ZRANB3: variants seen among roughly 807,000 people sequenced by gnomAD.
ZRANB3 encodes DNA annealing helicase and endonuclease ZRANB3.
A neutral mutation model predicts 133.8 loss-of-function variants in ZRANB3; 125 were observed. That is an observed-to-expected ratio of 0.93 (90% CI 0.81 to 1.08). The LOEUF is 1.08. Among genes scored for constraint, ZRANB3 ranks in the 50% least tolerant of loss-of-function variants. The pLI, the probability that ZRANB3 is intolerant of heterozygous loss-of-function variation, is 0.00. For missense variants in ZRANB3, 1,229 were observed against 1,275.5 expected (o/e 0.96, Z 0.56); for synonymous variants, 387 against 432.7 (o/e 0.89, Z 1.31).
chr2:135,491,541 T>C (rs1165031275), intron 2 of ZRANB3, among the ~76,000 whole-genome samples: 1 of 151,676 alleles, frequency 6.6e-6, no homozygotes, highest in East Asian at 1.9e-4. Context: ...TGAGATATAG[T>C]CTCACTCTGT....
intron 19 of ZRANB3, among the ~76,000 whole-genome samples, chr2:135,203,612 CAAAAAAA>C (rs1051712787): frequency 3.2e-5 from 2 of 62,056 alleles, no homozygotes; most frequent in East Asian, 4.4e-4. Flanking sequence ...GACTCGGTCT[CAAAAAAA>C]AAAAAAAAAA....
chr2:135,274,400 G>A (rs545414140), intron 9 of ZRANB3, among the ~76,000 whole-genome samples: 1 of 152,292 alleles, frequency 6.6e-6, no homozygotes, highest in African/African-American at 2.4e-5. Flanking sequence ...TAGTATGACT[G>A]CAGTTGGGTA....
At chr2:135,328,557 T>C (rs1018590141) in intron 6 of ZRANB3, among the ~76,000 whole-genome samples, 4 of 148,906 alleles carry the variant, frequency 2.7e-5, no homozygotes, top group African/African-American at 9.9e-5. Context: ...GCATGACTTA[T>C]AATCCTTAGA....
chr2:135,453,462 T>C (rs1690363554), intron 2 of ZRANB3, among the ~76,000 whole-genome samples: 1 of 152,242 alleles, frequency 6.6e-6, no homozygotes, highest in South Asian at 2.1e-4. Flanking sequence ...CAAACTTTTA[T>C]GCTCTGTTTC....
At chr2:135,321,220 G>C (rs1347500658) in intron 6 of ZRANB3, among the ~76,000 whole-genome samples, 1 of 152,156 alleles carries the variant, frequency 6.6e-6, no homozygotes, top group Non-Finnish European at 1.5e-5. Context: ...TTCCAAAGTG[G>C]TTGAACATTT....
At chr2:135,382,634 C>T (rs951357677) in intron 3 of ZRANB3, among the ~76,000 whole-genome samples, 6 of 152,082 alleles carry the variant, frequency 3.9e-5, no homozygotes, top group South Asian at 2.1e-4. Context: ...AGACTAACGG[C>T]GGATCTCTCG....
chr2:135,358,620 A>G (rs925963480), intron 3 of ZRANB3, among the ~76,000 whole-genome samples: 1 of 152,334 alleles, frequency 6.6e-6, no homozygotes, highest in Admixed American at 6.5e-5. Context: ...ATTAAGTACC[A>G]ATTAAGAAAT....
intron 2 of ZRANB3, among the ~76,000 whole-genome samples, chr2:135,496,741 C>T (rs1236752770): frequency 6.6e-6 from 1 of 152,176 alleles, no homozygotes; most frequent in African/African-American, 2.4e-5. Context: ...AAGGAAAGGA[C>T]TAACTGTTCT....
Position 135,511,401 on chromosome 2 carries a change from T to C in ZRANB3, c.-7-6905A>G, listed in dbSNP as rs1401670511. On this transcript the variant is annotated intron_variant, in intron 1 of 20. Transcript: ENST00000264159. ...CTCCTCTAAATGTTCTTCCACGTCA[T>C]TACTGACAACTGCCTGATCACAGAA... 19 of 808,432 alleles carry C rather than the reference T, an allele frequency of 2.4e-5. No homozygotes were observed. The East Asian group carries it at 4.6e-4, about 20-fold the overall frequency. 50.1% of individuals were successfully genotyped at this position (808,432 alleles called of 1,614,324 possible).
chr2:135,416,522 G>C lies in ZRANB3; in HGVS notation c.162-25702C>G, dbSNP rs865928990. 3.1e-3 allele frequency among the ~76,000 whole-genome samples: 469 copies of C among 151,890 alleles called. 4 individuals are homozygous for C. Among genetic ancestry groups the C allele is most frequent in the African/African-American group, 0.01 (430 of 41,378 alleles). ...TAGGAAGAATCAATATCGTGAAAAT[G>C]GCCATACTGCCCAAGGTAATTTATA... is the stretch of plus-strand genomic sequence containing the variant. On this transcript the variant is annotated intron_variant, in intron 2 of 20. Transcript: ENST00000264159.
At chr2:135,529,068 C>G (rs1041498202) in intron 1 of ZRANB3, among the ~76,000 whole-genome samples, 2 of 152,190 alleles carry the variant, frequency 1.3e-5, no homozygotes, top group Admixed American at 6.5e-5. Flanking sequence ...TCTTTTTAGG[C>G]ACTGCTCTAC....
chr2:135,234,323 A>C (rs1420416702), intron 12 of ZRANB3, among the ~76,000 whole-genome samples: 2 of 152,234 alleles, frequency 1.3e-5, no homozygotes, highest in Non-Finnish European at 2.9e-5. Flanking sequence ...AAAGAGACTT[A>C]GTCTCCCACA....
At chr2:135,431,120 A>T (rs58889023) in intron 2 of ZRANB3, among the ~76,000 whole-genome samples, 11,174 of 150,920 alleles carry the variant, frequency 0.074, 836 homozygotes, top group African/African-American at 0.19. Context: ...AAAAAAAAAA[A>T]AAATAAATAA....
intron 12 of ZRANB3, among the ~76,000 whole-genome samples, chr2:135,244,930 C>T (rs1900741): frequency 0.39 from 59,424 of 151,958 alleles, 14,911 homozygotes; most frequent in East Asian, 0.84. Flanking sequence ...GAGTAATCAG[C>T]ATAGGTGATG....
At chr2:135,346,101 T>G (rs1410925448) in intron 5 of ZRANB3, among the ~76,000 whole-genome samples, 1 of 152,210 alleles carries the variant, frequency 6.6e-6, no homozygotes, top group African/African-American at 2.4e-5. Flanking sequence ...TGTTTTGTTT[T>G]GTTTTTTGTT....
chr2:135,412,778 G>A (rs1300280096), intron 2 of ZRANB3, among the ~76,000 whole-genome samples: 1 of 152,024 alleles, frequency 6.6e-6, no homozygotes, highest in Non-Finnish European at 1.5e-5. Context: ...ATTAGTGAAA[G>A]TTATAGGGCA....
intron 12 of ZRANB3, among the ~76,000 whole-genome samples, chr2:135,235,341 C>A (rs1306036027): frequency 6.6e-6 from 1 of 152,158 alleles, no homozygotes; most frequent in Admixed American, 6.5e-5. Flanking sequence ...GATTCACAGC[C>A]AAATTCTACG....
At chr2:135,386,303 C>T (rs369677093) in intron 3 of ZRANB3, among the ~76,000 whole-genome samples, 1 of 152,172 alleles carries the variant, frequency 6.6e-6, no homozygotes, top group Non-Finnish European at 1.5e-5. Flanking sequence ...TACCATCTCA[C>T]GCCAGTTAGA....
Position 135,200,001 on chromosome 2 carries a change from T to A in ZRANB3, c.*341A>T, listed in dbSNP as rs1411916769. The A allele has an allele frequency of 3.0e-6, 1 of 329,666 alleles. No individual in the cohort carries two copies. The highest frequency in any genetic ancestry group is 5.8e-6 in the Non-Finnish European group (1 of 171,678). 20.4% of individuals were successfully genotyped at this position (329,666 alleles called of 1,614,324 possible). On this transcript the variant is annotated 3_prime_UTR_variant, in exon 21 of 21. Coordinates refer to ENST00000264159, the MANE Select transcript of ZRANB3 (RefSeq NM_032143.4). The stretch of plus-strand genomic sequence containing the variant: ...CCAGAACAATACTAATCCAGAAGCA[T>A]TTTTAGGTAATTGAGAGTACATTTT...
Sources: gnomAD v4.1 joint callset for allele counts (sites outside exome capture counted in the v4.1 genomes callset) on GRCh38, gnomAD v4.1.1 for gene constraint, MANE v1.5 for transcripts, NCBI Gene and HGNC (gene_info 2026-07-23, HGNC 2026-07-21) for gene names.